Variants in CENPL observed in about 807,000 individuals in gnomAD.
CENPL encodes interphase centromere complex protein 33.
A neutral mutation model predicts 35.2 loss-of-function variants in CENPL; 20 were observed. The observed-to-expected ratio is 0.57, with a 90% CI of 0.40 to 0.83. CENPL has a LOEUF of 0.83. CENPL is among the 40% of genes least tolerant of loss of function. The probability of loss-of-function intolerance (pLI) is 0.00; values close to 1 mark genes in which losing one functional copy is unlikely to be tolerated. For synonymous variants in CENPL, 140 were observed against 140.6 expected (o/e 1.00, Z 0.03); for missense variants, 363 against 395.8 (o/e 0.92, Z 0.70).
intron 2 of CENPL, among the ~76,000 whole-genome samples, chr1:173,817,473 T>C (rs955995955): frequency 2.6e-5 from 4 of 152,190 alleles, no homozygotes; most frequent in African/African-American, 4.8e-5. Flanking sequence ...TCACACCAGT[T>C]AGAATGGCGA....
intron 2 of CENPL, among the ~76,000 whole-genome samples, chr1:173,815,406 T>A (rs1301447043): frequency 1.3e-5 from 2 of 152,114 alleles, no homozygotes; most frequent in African/African-American, 4.8e-5. Context: ...TGGACCAATA[T>A]CCCTGATGAA....
At chr1:173,819,327 C>A (rs1038371395) in intron 2 of CENPL, among the ~76,000 whole-genome samples, 1 of 151,972 alleles carries the variant, frequency 6.6e-6, no homozygotes, top group African/African-American at 2.4e-5. Context: ...TAGTGGCTCA[C>A]GCCTGTAATC....
intron 1 of CENPL, 51 bp from the exon 2 acceptor site, chr1:173,824,070 G>A (rs2102626458): frequency 6.6e-6 from 1 of 150,608 alleles, no homozygotes; most frequent in Non-Finnish European, 1.5e-5. Flanking sequence ...ACAGAGGCCA[G>A]ACTAACCCCT....
intron 2 of CENPL, among the ~76,000 whole-genome samples, chr1:173,812,972 G>A (rs777058077): frequency 2.2e-4 from 33 of 152,126 alleles, no homozygotes; most frequent in Non-Finnish European, 4.3e-4. Context: ...GTGTAGAGAA[G>A]AACTTAAATG....
chr1:173,807,270 G>A lies in CENPL; in HGVS notation c.417C>T (p.Val139=). Residue 139 remains valine (V), a synonymous_variant, in exon 4 of 6, where the codon GTC becomes GTT. Coordinates refer to ENST00000682279, the MANE Select transcript of CENPL (RefSeq NM_001387287.1). ...AAGAACTGTTTATGTATTATACCTG[G>A]ACAAGAAATGCTTCCGGGTCCCTTT... ...GTQRDPEAFL[V]QIVSKSQLPS... is the part of the protein sequence containing the mutation. 6.2e-7 allele frequency: 1 copy of A among 1,603,170 alleles called. No homozygotes were observed. The highest frequency in any genetic ancestry group is 8.5e-7 in the Non-Finnish European group (1 of 1,173,230).
chr1:173,811,261 T>C lies in CENPL; in HGVS notation c.39A>G (p.Ala13=), dbSNP rs753838147. Residue 13 remains alanine (A), a synonymous_variant, in exon 3 of 6, where the codon GCA becomes GCG. Transcript: ENST00000682279. Reference sequence around the variant, plus strand: ...TAAAGTAATCTTCAGGTCTTGAGGATGCACTAGGAGTTGACTCTGGTGCAC... The same window carrying C: ...TAAAGTAATCTTCAGGTCTTGAGGACGCACTAGGAGTTGACTCTGGTGCAC... The part of the protein sequence containing the change: ...SYSAPESTPS[A]SSRPEDYFIG... 4 of 1,613,208 alleles carry C rather than the reference T, an allele frequency of 2.5e-6. No individual in the cohort carries two copies. Among genetic ancestry groups the C allele is most frequent in the Non-Finnish European group, 3.4e-6 (4 of 1,179,334 alleles).
chr1:173,814,861 C>T (rs534408853), intron 2 of CENPL, among the ~76,000 whole-genome samples: 2 of 151,850 alleles, frequency 1.3e-5, no homozygotes, highest in African/African-American at 4.8e-5. Flanking sequence ...GATAGAAACA[C>T]AAAAAAACTC....
chr1:173,821,467 C>G (rs900649758), intron 2 of CENPL, among the ~76,000 whole-genome samples: 1 of 152,038 alleles, frequency 6.6e-6, no homozygotes, highest in Non-Finnish European at 1.5e-5. Context: ...ATTTTAAAGT[C>G]TAGGTGACTT....
intron 1 of CENPL, 90 bp downstream of exon 1, chr1:173,824,122 A>C (rs138504058): frequency 6.6e-6 from 1 of 152,034 alleles, no homozygotes; most frequent in Non-Finnish European, 1.5e-5. Context: ...TGGGTTCACA[A>C]GAGACACAAA....
At chr1:173,815,431 T>A (rs1651267076) in intron 2 of CENPL, among the ~76,000 whole-genome samples, 1 of 151,992 alleles carries the variant, frequency 6.6e-6, no homozygotes, top group African/African-American at 2.4e-5. Flanking sequence ...GATGCAAAAA[T>A]CCTCAATAAA....
intron 4 of CENPL, among the ~76,000 whole-genome samples, chr1:173,807,014 A>G (rs913084526): frequency 6.6e-6 from 1 of 152,188 alleles, no homozygotes; most frequent in Non-Finnish European, 1.5e-5. Flanking sequence ...TATGGGCAAT[A>G]TGATCCCAAT....
intron 2 of CENPL, among the ~76,000 whole-genome samples, chr1:173,819,226 C>T (rs558959156): frequency 1.3e-5 from 2 of 151,074 alleles, no homozygotes; most frequent in East Asian, 4.0e-4. Context: ...ACAGCAAGAC[C>T]CTCTCAAGAA....
intron 2 of CENPL, chr1:173,823,671 C>T (rs777017975): frequency 1.3e-5 from 2 of 152,208 alleles, no homozygotes; most frequent in Non-Finnish European, 2.9e-5. Flanking sequence ...ATTCCACTTG[C>T]AGTTGTGGTT....
chr1:173,816,678 T>G (rs1324988670), intron 2 of CENPL, among the ~76,000 whole-genome samples: 1 of 152,136 alleles, frequency 6.6e-6, no homozygotes, highest in Admixed American at 6.5e-5. Flanking sequence ...TATACAAAAA[T>G]TAATTCAAGA....
intron 4 of CENPL, among the ~76,000 whole-genome samples, chr1:173,805,007 T>A (rs1650078787): frequency 6.6e-6 from 1 of 152,242 alleles, no homozygotes; most frequent in Non-Finnish European, 1.5e-5. Context: ...CACACTTTCA[T>A]GACCTAAGAG....
chr1:173,801,209 TA>T, intron 5 of CENPL, among the ~76,000 whole-genome samples: 1 of 152,228 alleles, frequency 6.6e-6, no homozygotes, highest in South Asian at 2.1e-4. Context: ...TGTTTTAAAA[TA>T]AAATGTGGAT....
intron 2 of CENPL, among the ~76,000 whole-genome samples, chr1:173,812,006 G>A (rs1650877263): frequency 6.6e-6 from 1 of 152,246 alleles, no homozygotes; most frequent in Non-Finnish European, 1.5e-5. Flanking sequence ...GGCAGACTAG[G>A]AGATTCTCTC....
At chr1:173,820,003 C>A (rs902938748) in intron 2 of CENPL, among the ~76,000 whole-genome samples, 1 of 152,042 alleles carries the variant, frequency 6.6e-6, no homozygotes, top group Non-Finnish European at 1.5e-5. Flanking sequence ...GCACTCGGCC[C>A]ATATTTAAAT....
chr1:173,815,062 A>G (rs1651223112), intron 2 of CENPL, among the ~76,000 whole-genome samples: 1 of 152,214 alleles, frequency 6.6e-6, no homozygotes, highest in Non-Finnish European at 1.5e-5. Flanking sequence ...AAACACCTCT[A>G]TGCAAATAAA....
Sources: allele counts gnomAD v4.1 joint callset (sites outside exome capture counted in the v4.1 genomes callset), GRCh38; gene constraint gnomAD v4.1.1; transcripts MANE v1.5; gene names NCBI Gene and HGNC (gene_info 2026-07-23, HGNC 2026-07-21).